The following TRIP4 variants were observed in gnomAD, a reference collection of about 807,000 sequenced individuals.
The protein encoded by TRIP4 is thyroid hormone receptor interactor 4, also known as activating signal cointegrator 1.
In TRIP4, 54 loss-of-function variants were observed where a neutral mutation model predicts 81.8. The ratio of observed to expected loss-of-function variants is 0.66; its 90% CI spans 0.53 to 0.83. The LOEUF is 0.83. TRIP4 is among the 40% of genes least tolerant of loss of function. The pLI is 0.00. For synonymous variants in TRIP4, 270 were observed against 242.8 expected, an observed-to-expected ratio of 1.11 and a Z score of -1.04; for missense variants, 662 against 683.6, an observed-to-expected ratio of 0.97 and a Z score of 0.35.
intron 1 of TRIP4, among the ~76,000 whole-genome samples, chr15:64,392,523 C>T (rs1404266301): frequency 3.3e-5 from 5 of 151,898 alleles, no homozygotes; most frequent in African/African-American, 7.3e-5. Flanking sequence ...TTAGTAGAGA[C>T]GGTTTCACCA....
At chr15:64,437,638 G>A (rs948575452) in intron 11 of TRIP4, among the ~76,000 whole-genome samples, 2 of 151,612 alleles carry the variant, frequency 1.3e-5, no homozygotes, top group Non-Finnish European at 2.9e-5. Context: ...TATTACAGGC[G>A]CACGCCACCA....
chr15:64,403,693 C>A (rs946863200), intron 5 of TRIP4, among the ~76,000 whole-genome samples: 8 of 152,074 alleles, frequency 5.3e-5, no homozygotes, highest in African/African-American at 1.9e-4. Flanking sequence ...TAAAAATAGT[C>A]TTTTAACTTG....
intron 11 of TRIP4, among the ~76,000 whole-genome samples, chr15:64,430,486 A>G (rs949935408): frequency 6.6e-6 from 1 of 152,226 alleles, no homozygotes; most frequent in African/African-American, 2.4e-5. Flanking sequence ...TAACCTCAAT[A>G]GTAAGGCAGT....
chr15:64,432,567 G>A (rs1892302170), intron 11 of TRIP4, among the ~76,000 whole-genome samples: 1 of 151,840 alleles, frequency 6.6e-6, no homozygotes, highest in African/African-American at 2.4e-5. Context: ...CCGAGATTGC[G>A]CCACTGCACT....
In TRIP4 at chr15:64,432,047, C is replaced by T. The variant is rs150863162; in HGVS notation, c.1575+6416C>T. ...GATTGCAGGTACGCACCACCACGCC[C>T]GGCTAATTTTTGTATTTTTAGTAGA... On this transcript the variant is annotated intron_variant, in intron 11 of 12. Transcript: ENST00000261884. 7.0e-3 allele frequency among the ~76,000 whole-genome samples: 1,057 copies of T among 150,572 alleles called. 12 individuals are homozygous for T. The highest frequency in any genetic ancestry group is 0.021 in the African/African-American group (852 of 41,050).
chr15:64,411,771 C>G (rs1000809567), intron 7 of TRIP4, among the ~76,000 whole-genome samples: 1 of 151,928 alleles, frequency 6.6e-6, no homozygotes, highest in African/African-American at 2.4e-5. Flanking sequence ...GCTCCGCCTC[C>G]CAGATTCACG....
chr15:64,436,734 C>T (rs1892409989), intron 11 of TRIP4, among the ~76,000 whole-genome samples: 2 of 59,794 alleles, frequency 3.3e-5, no homozygotes, highest in South Asian at 1.0e-3. Flanking sequence ...TTAATATTGA[C>T]ATGTAGTTCT....
At chr15:64,409,373 G>A (rs1038001116) in intron 6 of TRIP4, among the ~76,000 whole-genome samples, 3 of 152,108 alleles carry the variant, frequency 2.0e-5, no homozygotes, top group Non-Finnish European at 2.9e-5. Context: ...GCTTTCAGAA[G>A]GTAGAGGCTG....
intron 7 of TRIP4, 129 bp from the exon 8 acceptor site, chr15:64,413,955 AG>A (rs1453514180): frequency 6.0e-5 from 58 of 958,830 alleles, no homozygotes; most frequent in Non-Finnish European, 8.3e-5. Context: ...AGTGGGGAGT[AG>A]GGAAGGTCAT....
chr15:64,443,043 A>G (rs1195004659), intron 11 of TRIP4, among the ~76,000 whole-genome samples: 1 of 152,130 alleles, frequency 6.6e-6, no homozygotes, highest in Non-Finnish European at 1.5e-5. Flanking sequence ...ATTTAGCAGC[A>G]TGGAAGTCAA....
intron 11 of TRIP4, among the ~76,000 whole-genome samples, chr15:64,440,655 A>T (rs913965299): frequency 1.3e-5 from 2 of 152,088 alleles, no homozygotes; most frequent in Non-Finnish European, 2.9e-5. Context: ...TTCACCTGGA[A>T]CTTTAATTTG....
At chr15:64,432,946 T>C (rs184228849) in intron 11 of TRIP4, among the ~76,000 whole-genome samples, 2 of 150,414 alleles carry the variant, frequency 1.3e-5, no homozygotes, top group African/African-American at 2.4e-5. Context: ...AATAAATAAA[T>C]AAACACTTGA....
intron 9 of TRIP4, 70 bp from the exon 10 acceptor site, chr15:64,423,961 G>A (rs1892077154): frequency 2.5e-6 from 4 of 1,582,676 alleles, no homozygotes; most frequent in Non-Finnish European, 3.5e-6. Context: ...TATAGGATTT[G>A]TTATATATTA....
At chr15:64,419,907 C>T (rs933485920) in intron 9 of TRIP4, among the ~76,000 whole-genome samples, 3 of 151,858 alleles carry the variant, frequency 2.0e-5, no homozygotes, top group African/African-American at 4.8e-5. Context: ...CCTCTGCCTC[C>T]CAGGTTCAAG....
At chr15:64,439,780 T>C (rs1255050080) in intron 11 of TRIP4, among the ~76,000 whole-genome samples, 3 of 151,942 alleles carry the variant, frequency 2.0e-5, no homozygotes, top group Non-Finnish European at 2.9e-5. Context: ...TGTCTCGGCC[T>C]CCCAAAGTGC....
chr15:64,454,161 C>A (rs760637929), intron 12 of TRIP4, among the ~76,000 whole-genome samples: 4 of 145,822 alleles, frequency 2.7e-5, no homozygotes, highest in Non-Finnish European at 4.5e-5. Context: ...TGAGACTGAA[C>A]TGAATTATGT....
rs1445258195 is a variant in TRIP4, at chr15:64,411,013, AT to A, written c.1043+1193del. ...CTTTGGCTCATCAAATTTGGCTTAAATTTTTTTTAAAGGATAATATTGCATA... is the reference window on the plus strand; with the variant it reads ...CTTTGGCTCATCAAATTTGGCTTAAATTTTTTTAAAGGATAATATTGCATA... On this transcript the variant is annotated intron_variant, in intron 7 of 12. Coordinates refer to ENST00000261884, the MANE Select transcript of TRIP4 (RefSeq NM_016213.5). Among the ~76,000 whole-genome samples, 8 of 152,230 alleles carry A rather than the reference AT, an allele frequency of 5.3e-5. No homozygotes were observed. In the East Asian group the frequency reaches 1.5e-3, roughly 29 times the overall value.
At chr15:64,389,396 T>C (rs567450931) in intron 1 of TRIP4, among the ~76,000 whole-genome samples, 2 of 151,772 alleles carry the variant, frequency 1.3e-5, no homozygotes, top group South Asian at 4.2e-4. Context: ...CTTTGGGAGG[T>C]AGAGGTGGGA....
chr15:64,428,253 A>G (rs1296383398), intron 11 of TRIP4, among the ~76,000 whole-genome samples: 1 of 152,218 alleles, frequency 6.6e-6, no homozygotes, highest in East Asian at 1.9e-4. Context: ...TTGTGCCACA[A>G]ATTTGTGTAG....
Sources: allele counts gnomAD v4.1 joint callset (sites outside exome capture counted in the v4.1 genomes callset), GRCh38; gene constraint gnomAD v4.1.1; transcripts MANE v1.5; gene names NCBI Gene and HGNC (gene_info 2026-07-23, HGNC 2026-07-21).